The following GALNTL6 variants were observed in gnomAD, a reference collection of about 807,000 sequenced individuals.
GALNTL6 encodes the protein polypeptide N-acetylgalactosaminyltransferase-like 6.
Under a neutral mutation model 73.7 loss-of-function variants are expected in GALNTL6, and 46 were observed. The observed-to-expected ratio is 0.62, with a 90% CI of 0.49 to 0.80. The LOEUF is 0.80. Ranked by LOEUF, GALNTL6 falls within the 30% of genes least tolerant of loss-of-function variation. GALNTL6 has a pLI of 0.00. For synonymous variants in GALNTL6, 259 were observed against 263.7 expected, an observed-to-expected ratio of 0.98 and a Z score of 0.17; for missense variants, 604 against 755.0, an observed-to-expected ratio of 0.80 and a Z score of 2.34.
At chr4:172,892,342 A>G (rs1206323693) in intron 8 of GALNTL6, among the ~76,000 whole-genome samples, 1 of 151,960 alleles carries the variant, frequency 6.6e-6, no homozygotes, top group Non-Finnish European at 1.5e-5. Context: ...TGAGGGTTTG[A>G]CTGTGGTGTA....
At chr4:172,890,803 C>G (rs570911249) in intron 8 of GALNTL6, among the ~76,000 whole-genome samples, 27 of 152,058 alleles carry the variant, frequency 1.8e-4, no homozygotes, top group Admixed American at 5.2e-4. Flanking sequence ...TTGAATAGTC[C>G]CTATTATTGT....
chr4:172,823,718 C>T (rs1042201796), intron 7 of GALNTL6, among the ~76,000 whole-genome samples: 1 of 151,976 alleles, frequency 6.6e-6, no homozygotes, highest in Non-Finnish European at 1.5e-5. Flanking sequence ...CAGCAGAAGG[C>T]ATTTATCCAG....
intron 5 of GALNTL6, among the ~76,000 whole-genome samples, chr4:172,481,628 T>C (rs1157472854): frequency 1.3e-5 from 2 of 152,084 alleles, no homozygotes; most frequent in Non-Finnish European, 2.9e-5. Flanking sequence ...AGAGTGCTGA[T>C]TGGTATATTT....
chr4:172,825,138 C>A (rs1742192599), intron 7 of GALNTL6, among the ~76,000 whole-genome samples: 1 of 96,628 alleles, frequency 1.0e-5, no homozygotes. Context: ...TTCTTCCTTT[C>A]TTTCCTTTTT....
intron 5 of GALNTL6, among the ~76,000 whole-genome samples, chr4:172,691,388 G>A (rs1837127): frequency 0.98 from 149,134 of 152,304 alleles, 73,095 homozygotes; most frequent in Non-Finnish European, 1. Context: ...ATATTTGTCA[G>A]CATGGCCCTG....
At chr4:172,938,133 T>C (rs1748720477) in intron 9 of GALNTL6, among the ~76,000 whole-genome samples, 1 of 152,166 alleles carries the variant, frequency 6.6e-6, no homozygotes. Flanking sequence ...AGAATTGTGG[T>C]TGTGCCTCTG....
chr4:172,370,897 A>G (rs563614344), intron 5 of GALNTL6, among the ~76,000 whole-genome samples: 50 of 152,126 alleles, frequency 3.3e-4, no homozygotes, highest in Non-Finnish European at 5.9e-4. Flanking sequence ...TGTCTGAGAA[A>G]TCCTTTGAGA....
intron 7 of GALNTL6, among the ~76,000 whole-genome samples, chr4:172,834,904 T>A (rs1579544751): frequency 6.6e-6 from 1 of 152,206 alleles, no homozygotes; most frequent in Admixed American, 6.5e-5. Context: ...GTGTTGAGGG[T>A]GACAGAAAGA....
intron 5 of GALNTL6, among the ~76,000 whole-genome samples, chr4:172,717,416 T>C (rs4572851): frequency 0.36 from 54,780 of 152,054 alleles, 10,943 homozygotes; most frequent in African/African-American, 0.52. Flanking sequence ...AAGTGGTCAA[T>C]GTGCTAACGC....
At chr4:172,006,405 A>T (rs1740843559) in intron 2 of GALNTL6, among the ~76,000 whole-genome samples, 1 of 152,034 alleles carries the variant, frequency 6.6e-6, no homozygotes. Context: ...AAGTGGGAGG[A>T]TTGCTTTAGC....
At chr4:173,034,484 C>T (rs577169592) in intron 12 of GALNTL6, among the ~76,000 whole-genome samples, 1 of 152,292 alleles carries the variant, frequency 6.6e-6, no homozygotes, top group African/African-American at 2.4e-5. Context: ...TGGTCTGTGG[C>T]ACAAGACCCA....
intron 10 of GALNTL6, among the ~76,000 whole-genome samples, chr4:172,985,428 A>T (rs879303568): frequency 5.3e-5 from 8 of 151,974 alleles, no homozygotes; most frequent in Non-Finnish European, 8.8e-5. Context: ...TTTAAAAGGC[A>T]ATTATTGAGT....
At chr4:172,696,697 A>G (rs1733717675) in intron 5 of GALNTL6, among the ~76,000 whole-genome samples, 1 of 152,120 alleles carries the variant, frequency 6.6e-6, no homozygotes, top group Non-Finnish European at 1.5e-5. Flanking sequence ...ATCTTCCACC[A>G]CCAACCTCCC....
At chr4:172,483,538 A>G (rs1433630576) in intron 5 of GALNTL6, among the ~76,000 whole-genome samples, 1 of 152,232 alleles carries the variant, frequency 6.6e-6, no homozygotes, top group African/African-American at 2.4e-5. Flanking sequence ...CTTTTCAGCA[A>G]CAGTGATTTC....
At chr4:172,074,740 A>T (rs1185967550) in intron 2 of GALNTL6, among the ~76,000 whole-genome samples, 1 of 152,210 alleles carries the variant, frequency 6.6e-6, no homozygotes, top group Non-Finnish European at 1.5e-5. Context: ...TTAATTAAGC[A>T]AACAACATTG....
intron 5 of GALNTL6, among the ~76,000 whole-genome samples, chr4:172,642,800 A>G: frequency 6.6e-6 from 1 of 152,062 alleles, no homozygotes; most frequent in Middle Eastern, 3.4e-3. Flanking sequence ...ATAAACATTT[A>G]AAAACATCAT....
At position 172,074,711 on chromosome 4, in the gene GALNTL6, C is replaced by T. The variant is rs78506184; in HGVS notation, c.139-154945C>T. On this transcript the variant is annotated intron_variant, in intron 2 of 12. Coordinates refer to ENST00000506823, the MANE Select transcript of GALNTL6 (RefSeq NM_001034845.3). ...ACCCTTCTTATAAAAGTGCACAACA[C>T]AATATGGAAAACAGGGCTTTAATTA... 8.2e-3 allele frequency among the ~76,000 whole-genome samples: 1,250 copies of T among 151,982 alleles called. 20 individuals carry two copies. The highest frequency in any genetic ancestry group is 0.028 in the African/African-American group (1,176 of 41,336).
At chr4:172,111,994 C>T (rs900816750) in intron 2 of GALNTL6, among the ~76,000 whole-genome samples, 5 of 151,962 alleles carry the variant, frequency 3.3e-5, no homozygotes, top group Admixed American at 1.3e-4. Context: ...TAGGCTTGCA[C>T]GATGACATGC....
chr4:172,579,788 A>AGGAAGGAAGGAGGGAAGGAAGGAG (rs35672538), intron 5 of GALNTL6, among the ~76,000 whole-genome samples: 20 of 127,092 alleles, frequency 1.6e-4, no homozygotes, highest in African/African-American at 5.4e-4. Flanking sequence ...TAAATGAGGA[A>AGGAAGGAAGGAGGGAAGGAAGGAG]GGAAGGAAGG....
Sources: gnomAD v4.1 joint callset for allele counts (sites outside exome capture counted in the v4.1 genomes callset) on GRCh38, gnomAD v4.1.1 for gene constraint, MANE v1.5 for transcripts, NCBI Gene and HGNC (gene_info 2026-07-23, HGNC 2026-07-21) for gene names.